The following UBR3 variants were observed in gnomAD, a reference collection of about 807,000 sequenced individuals.
The protein encoded by UBR3 is ubiquitin protein ligase E3 component n-recognin 3.
In UBR3, 85 loss-of-function variants were observed where a neutral mutation model predicts 243.2. The ratio of observed to expected loss-of-function variants is 0.35; its 90% confidence interval spans 0.29 to 0.42. UBR3 has a LOEUF of 0.42. Ranked by LOEUF, UBR3 falls within the 10% of genes least tolerant of loss-of-function variation. The pLI, the probability that UBR3 is intolerant of heterozygous loss-of-function variation, is 1.00. For synonymous variants in UBR3, 748 were observed against 799.8 expected, an observed-to-expected ratio of 0.94 and a Z score of 1.09; for missense variants, 1,686 against 2,300.8, an observed-to-expected ratio of 0.73 and a Z score of 5.47.
At chr2:169,921,594 C>T (rs980206064) in intron 11 of UBR3, among the ~76,000 whole-genome samples, 1 of 152,134 alleles carries the variant, frequency 6.6e-6, no homozygotes, top group Non-Finnish European at 1.5e-5. Flanking sequence ...ACTTATTTCT[C>T]GCAGCTACTA....
rs751378526 is a variant in UBR3 at position 169,926,999 on chromosome 2, G to A, written c.2338+28G>A. On this transcript the variant is annotated intron_variant, in intron 16 of 38. Transcript: ENST00000272793. ...AAAACTCACTGATACTAATACTTAT[G>A]CATTAACTGTTTTCCTCCCTTTCTC... is the stretch of plus-strand genomic sequence containing the variant. The A allele has an allele frequency of 1.8e-5, 28 of 1,535,324 alleles. 1 individual carries two copies. In the South Asian group the frequency reaches 3.2e-4, roughly 18 times the overall value.
intron 30 of UBR3, among the ~76,000 whole-genome samples, chr2:170,020,157 G>A (rs1052380068): frequency 4.6e-5 from 7 of 152,102 alleles, no homozygotes; most frequent in African/African-American, 1.4e-4. Flanking sequence ...GCTTATGAAG[G>A]CCTTTTTCAA....
intron 35 of UBR3, among the ~76,000 whole-genome samples, chr2:170,061,658 G>C (rs13019850): frequency 6.6e-6 from 1 of 151,832 alleles, no homozygotes; most frequent in Non-Finnish European, 1.5e-5. Flanking sequence ...AGTAGAGACA[G>C]GGTTTCACCA....
At chr2:169,900,446 T>C (rs943759442) in intron 8 of UBR3, among the ~76,000 whole-genome samples, 18 of 152,358 alleles carry the variant, frequency 1.2e-4, no homozygotes, top group African/African-American at 3.8e-4. Flanking sequence ...GTAGGTTGCC[T>C]GTTCACTCTG....
intron 26 of UBR3, 72 bp downstream of exon 26, chr2:169,994,528 T>A: frequency 6.7e-7 from 1 of 1,489,344 alleles, no homozygotes; most frequent in Non-Finnish European, 9.1e-7. Context: ...ATTTTACATG[T>A]CTTTTACCAA....
At chr2:169,984,544 G>A (rs1218680018) in intron 24 of UBR3, among the ~76,000 whole-genome samples, 1 of 152,040 alleles carries the variant, frequency 6.6e-6, no homozygotes, top group African/African-American at 2.4e-5. Context: ...TTTCAGAATA[G>A]GTTATTTATT....
intron 1 of UBR3, among the ~76,000 whole-genome samples, chr2:169,836,067 A>ATATATTT (rs1558999159): frequency 9.2e-5 from 3 of 32,666 alleles, no homozygotes; most frequent in Non-Finnish European, 1.5e-4. Flanking sequence ...ATATATATAT[A>ATATATTT]TTTTTTTTTT....
chr2:169,859,081 CTTT>C (rs575814312), intron 1 of UBR3, among the ~76,000 whole-genome samples: 21 of 99,728 alleles, frequency 2.1e-4, no homozygotes, highest in African/African-American at 7.7e-4. Flanking sequence ...CTCACCATGG[CTTT>C]TTTTTTTTTT....
At chr2:169,850,468 C>T (rs551458797) in intron 1 of UBR3, among the ~76,000 whole-genome samples, 16 of 152,256 alleles carry the variant, frequency 1.1e-4, no homozygotes, top group East Asian at 3.9e-4. Context: ...CATGGGCCAC[C>T]GCACCCGGCC....
chr2:170,075,474 T>C (rs1233916374), intron 36 of UBR3, among the ~76,000 whole-genome samples: 1 of 152,218 alleles, frequency 6.6e-6, no homozygotes, highest in Non-Finnish European at 1.5e-5. Context: ...TTATTGTATG[T>C]ATGCTGATGG....
chr2:169,838,249 A>G (rs58990374), intron 1 of UBR3, among the ~76,000 whole-genome samples: 21,947 of 152,230 alleles, frequency 0.14, 2,153 homozygotes, highest in East Asian at 0.46. Flanking sequence ...TAATCATTCA[A>G]TGGAATACTT....
chr2:170,032,185 G>A (rs894827581), intron 31 of UBR3, among the ~76,000 whole-genome samples: 1 of 152,054 alleles, frequency 6.6e-6, no homozygotes, highest in African/African-American at 2.4e-5. Context: ...AAAATATCTA[G>A]GAACAGAAAA....
chr2:169,925,816 TAGAGGTGACTGCGTG>T, intron 14 of UBR3, 69 bp downstream of exon 14: 1 of 1,374,206 alleles, frequency 7.3e-7, no homozygotes, highest in Non-Finnish European at 9.6e-7. Context: ...TTTTAATTTA[TAGAGGTGACTGCGTG>T]ATGACATGGA....
intron 32 of UBR3, among the ~76,000 whole-genome samples, chr2:170,055,044 C>G (rs936538749): frequency 6.6e-6 from 1 of 152,108 alleles, no homozygotes; most frequent in Non-Finnish European, 1.5e-5. Flanking sequence ...TGTCTCTAAC[C>G]CCAGCTCTTT....
chr2:170,028,304 C>T (rs2090583960), intron 30 of UBR3, among the ~76,000 whole-genome samples: 2 of 151,712 alleles, frequency 1.3e-5, no homozygotes, highest in Non-Finnish European at 3.0e-5. Context: ...CATACTACCC[C>T]ATTTATATTG....
At chr2:170,026,741 G>A (rs1173298843) in intron 30 of UBR3, among the ~76,000 whole-genome samples, 1 of 151,990 alleles carries the variant, frequency 6.6e-6, no homozygotes, top group Admixed American at 6.5e-5. Flanking sequence ...TTTTGTTATT[G>A]TTACTCAAAA....
At chr2:169,833,721 T>A (rs900042465) in intron 1 of UBR3, among the ~76,000 whole-genome samples, 4 of 152,160 alleles carry the variant, frequency 2.6e-5, no homozygotes, top group Non-Finnish European at 5.9e-5. Context: ...AGAAATTTCC[T>A]TTTCTTTTAA....
At position 170,007,177 on chromosome 2, in the gene UBR3, C is replaced by A. The variant is rs756966878; in HGVS notation, c.4217C>A (p.Pro1406Gln). 1.2e-6 allele frequency: 2 copies of A among 1,600,090 alleles called. No homozygotes were observed. The highest frequency in any genetic ancestry group is 1.7e-6 in the Non-Finnish European group (2 of 1,172,878). The part of the protein sequence containing the change: ...IKEVEELQGR[P>Q]GAFPSETNLS... ...GAAGTGGAGGAGCTGCAGGGACGACCGGGAGCTTTCCCAGTAAGCATCAGT... is the reference window on the plus strand; with the variant it reads ...GAAGTGGAGGAGCTGCAGGGACGACAGGGAGCTTTCCCAGTAAGCATCAGT... Residue 1406 changes from proline (P) to glutamine (Q), a missense_variant, in exon 28 of 39, where the codon CCG becomes CAG. By Grantham distance (76) the Pro-to-Gln change is moderately conservative. This residue lies in a region of UBR3 where 371 missense variants were observed against 422.5 expected (regional missense o/e 0.88). Transcript: ENST00000272793.
At chr2:170,044,820 T>C (rs1287076260) in intron 32 of UBR3, among the ~76,000 whole-genome samples, 6 of 152,290 alleles carry the variant, frequency 3.9e-5, no homozygotes, top group East Asian at 1.9e-4. Context: ...CATCACAGTC[T>C]AGTTTAAGGC....
Sources: allele counts gnomAD v4.1 joint callset (sites outside exome capture counted in the v4.1 genomes callset), GRCh38; gene constraint gnomAD v4.1.1; regional missense constraint gnomAD v4.1.1; transcripts MANE v1.5; gene names NCBI Gene and HGNC (gene_info 2026-07-23, HGNC 2026-07-21).